The following ARHGEF3 variants were observed in gnomAD, a reference collection of about 807,000 sequenced individuals.
ARHGEF3 encodes the protein 59.8 kDA protein.
In ARHGEF3, 28 loss-of-function variants were observed where a neutral mutation model predicts 63.2. The ratio of observed to expected loss-of-function variants is 0.44; its 90% confidence interval spans 0.33 to 0.61. ARHGEF3 has a LOEUF of 0.61. Ranked by LOEUF, ARHGEF3 falls within the 20% of genes least tolerant of loss-of-function variation. The pLI, the probability that ARHGEF3 is intolerant of heterozygous loss-of-function variation, is 0.03. For synonymous variants in ARHGEF3, 266 were observed against 254.2 expected (o/e 1.05, Z -0.44); for missense variants, 533 against 659.3 (o/e 0.81, Z 2.10).
chr3:56,788,918 G>C (rs1024526740), intron 1 of ARHGEF3, among the ~76,000 whole-genome samples: 7 of 152,082 alleles, frequency 4.6e-5, no homozygotes, highest in Admixed American at 6.6e-5. Context: ...TGCTAACTCT[G>C]ATCTCTTTAT....
chr3:56,740,447 C>T (rs1309206091), intron 7 of ARHGEF3, among the ~76,000 whole-genome samples: 1 of 152,046 alleles, frequency 6.6e-6, no homozygotes, highest in Non-Finnish European at 1.5e-5. Flanking sequence ...TTTCTTTTTT[C>T]CTTTCTTGGT....
chr3:56,843,925 C>T (rs1227878838), intron 4 of ARHGEF3, among the ~76,000 whole-genome samples: 1 of 152,160 alleles, frequency 6.6e-6, no homozygotes, highest in South Asian at 2.1e-4. Flanking sequence ...GTTAACAGGA[C>T]ATAAAATCAG....
At chr3:56,993,630 C>T (rs1326438276) in intron 2 of ARHGEF3, among the ~76,000 whole-genome samples, 1 of 151,980 alleles carries the variant, frequency 6.6e-6, no homozygotes, top group Non-Finnish European at 1.5e-5. Context: ...CTGTCACAGC[C>T]TCCCAAAGTG....
At chr3:57,003,898 C>T (rs1177211254) in intron 2 of ARHGEF3, among the ~76,000 whole-genome samples, 2 of 152,156 alleles carry the variant, frequency 1.3e-5, no homozygotes, top group Non-Finnish European at 2.9e-5. Flanking sequence ...CATCTGGACT[C>T]CAGCCCAGTG....
intron 1 of ARHGEF3, among the ~76,000 whole-genome samples, chr3:57,057,928 A>C (rs906348775): frequency 1.3e-5 from 2 of 152,228 alleles, no homozygotes; most frequent in African/African-American, 4.8e-5. Context: ...GGGGCCACTT[A>C]AATGAGTCAG....
intron 4 of ARHGEF3, among the ~76,000 whole-genome samples, chr3:56,812,133 G>T (rs1362344447): frequency 6.6e-6 from 1 of 152,202 alleles, no homozygotes; most frequent in African/African-American, 2.4e-5. Flanking sequence ...GCTAATCAAA[G>T]AACACGTCAC....
At chr3:56,780,198 T>C (rs2036501810) in intron 1 of ARHGEF3, among the ~76,000 whole-genome samples, 1 of 152,250 alleles carries the variant, frequency 6.6e-6, no homozygotes, top group Admixed American at 6.5e-5. Context: ...CAGTACTTTG[T>C]GAATAGCAAG....
chr3:56,996,889 T>TATA, intron 2 of ARHGEF3, among the ~76,000 whole-genome samples: 1 of 99,482 alleles, frequency 1.0e-5, no homozygotes, highest in Admixed American at 1.1e-4. Flanking sequence ...TTATTATTAT[T>TATA]ATTTTTTTTT....
intron 3 of ARHGEF3, among the ~76,000 whole-genome samples, chr3:56,921,777 T>C (rs183421200): frequency 6.6e-6 from 1 of 152,326 alleles, no homozygotes; most frequent in East Asian, 1.9e-4. Flanking sequence ...TCAACAAGAT[T>C]ATAAAATGAT....
chr3:56,837,994 C>T (rs2039175323), intron 4 of ARHGEF3, among the ~76,000 whole-genome samples: 1 of 152,186 alleles, frequency 6.6e-6, no homozygotes, highest in Admixed American at 6.5e-5. Context: ...GCTGGGAATA[C>T]AGCCTCTTGG....
chr3:57,049,159 CAG>C (rs774822971), intron 1 of ARHGEF3, among the ~76,000 whole-genome samples: 13 of 152,122 alleles, frequency 8.5e-5, no homozygotes, highest in Non-Finnish European at 1.8e-4. Context: ...CACTTCAGGC[CAG>C]AAGTTCGAGA....
At chr3:56,778,480 A>G (rs891345005) in intron 1 of ARHGEF3, among the ~76,000 whole-genome samples, 7 of 152,216 alleles carry the variant, frequency 4.6e-5, no homozygotes, top group African/African-American at 1.7e-4. Context: ...GTGTGGCTAT[A>G]TCATATTAAA....
intron 1 of ARHGEF3, among the ~76,000 whole-genome samples, chr3:57,068,896 A>C (rs1705716219): frequency 6.6e-6 from 1 of 151,946 alleles, no homozygotes; most frequent in African/African-American, 2.4e-5. Context: ...TAAATAAGGG[A>C]ATCTGCTAAG....
chr3:56,895,925 A>C (rs762544456), intron 3 of ARHGEF3, among the ~76,000 whole-genome samples: 3 of 152,194 alleles, frequency 2.0e-5, no homozygotes, highest in Admixed American at 6.5e-5. Flanking sequence ...TTTTTGATTA[A>C]ATAATTCTGA....
chr3:56,968,176 ATAAAAATAT>A (rs1700702872), intron 2 of ARHGEF3, among the ~76,000 whole-genome samples: 11 of 21,664 alleles, frequency 5.1e-4, no homozygotes, highest in African/African-American at 1.1e-3. Flanking sequence ...TATAATATAT[ATAAAAATAT>A]ATATTATATA....
intron 2 of ARHGEF3, among the ~76,000 whole-genome samples, chr3:57,005,058 T>G (rs1309244755): frequency 3.3e-5 from 5 of 152,062 alleles, no homozygotes; most frequent in Non-Finnish European, 5.9e-5. Context: ...GATGCTTTCT[T>G]AGAATCTGCA....
At chr3:57,051,760 T>C (rs984921694) in intron 1 of ARHGEF3, among the ~76,000 whole-genome samples, 1 of 151,916 alleles carries the variant, frequency 6.6e-6, no homozygotes, top group Non-Finnish European at 1.5e-5. Flanking sequence ...GGTCAGGAGT[T>C]TGAGACCAGC....
chr3:57,034,658 T>G (rs1703876440), intron 2 of ARHGEF3, among the ~76,000 whole-genome samples: 1 of 55,736 alleles, frequency 1.8e-5, no homozygotes. Context: ...TCCAAATTCT[T>G]TTTTTTTTTT....
intron 4 of ARHGEF3, among the ~76,000 whole-genome samples, chr3:56,807,135 C>A (rs1400226955): frequency 6.6e-6 from 1 of 152,172 alleles, no homozygotes; most frequent in African/African-American, 2.4e-5. Flanking sequence ...TCTGCCCCGC[C>A]TTGGCCTCCC....
Sources: gnomAD v4.1 joint callset for allele counts (sites outside exome capture counted in the v4.1 genomes callset) on GRCh38, gnomAD v4.1.1 for gene constraint, MANE v1.5 for transcripts, NCBI Gene and HGNC (gene_info 2026-07-23, HGNC 2026-07-21) for gene names.